Variants in ART5 observed in about 807,000 individuals in gnomAD.
The protein encoded by ART5 is ecto-ADP-ribosyltransferase 5.
Under a neutral mutation model 25.0 loss-of-function variants are expected in ART5, and 22 were observed. That is an observed-to-expected ratio of 0.88 (90% CI 0.63 to 1.26). The LOEUF is 1.26. Ranked by LOEUF, ART5 falls within the 50% of genes most tolerant of loss-of-function variation. The pLI, the probability that ART5 is intolerant of heterozygous loss-of-function variation, is 0.00. For synonymous variants in ART5, 161 were observed against 154.8 expected, an observed-to-expected ratio of 1.04 and a Z score of -0.30; for missense variants, 402 against 372.8, an observed-to-expected ratio of 1.08 and a Z score of -0.64.
Position 3,640,255 on chromosome 11 carries a change from C to T in ART5, c.174G>A (p.Met58Ile). The change falls in exon 2 of 4, where the codon ATG (methionine) becomes ATA (isoleucine). Residue 58 changes from methionine (M) to isoleucine (I), a missense_variant. Coordinates refer to ENST00000397068, the MANE Select transcript of ART5 (RefSeq NM_053017.5). ...ATTCCCGCAGCAGGGCATGGTGGGC[C>T]ATTTCCTCCTTTAGCAGGGGGGCTG... ...EKAAPLLKEE[M>I]AHHALLRESW... 6.2e-7 allele frequency: 1 copy of T among 1,613,744 alleles called. No homozygotes were observed. The highest frequency in any genetic ancestry group is 8.5e-7 in the Non-Finnish European group (1 of 1,180,044).
Position 3,640,369 on chromosome 11 carries a change from G to A in ART5, c.60C>T (p.Ala20=), listed in dbSNP as rs1286922557. Reference sequence around the variant, plus strand: ...CCAGGGGCAGGATGGGAACAGCCTGGGCCTGTGGAGCAAAAGAGGTGCCAC... The same window carrying A: ...CCAGGGGCAGGATGGGAACAGCCTGAGCCTGTGGAGCAAAAGAGGTGCCAC... ...LGSLGLHTWQ[A]QAVPILPLGL... is the part of the protein sequence containing the mutation. Residue 20 remains alanine (A), a splice_region_variant and synonymous_variant, in exon 2 of 4, where the codon GCC becomes GCT. Coordinates refer to ENST00000397068, the MANE Select transcript of ART5 (RefSeq NM_053017.5). 1 of 1,589,030 alleles carries A rather than the reference G, an allele frequency of 6.3e-7. No homozygotes were observed. The highest frequency in any genetic ancestry group is 8.6e-7 in the Non-Finnish European group (1 of 1,167,880).
Position 3,639,678 on chromosome 11 carries a change from G to C in ART5, c.751C>G (p.Gln251Glu), listed in dbSNP as rs755213415. ...QSLVTLWSYN[Q>E]TCSHFNCAYL... The stretch of plus-strand genomic sequence containing the variant: ...GCGCAGTTAAAATGGCTACAGGTCT[G>C]ATTATAGCTCCAGAGAGTCACCAAG... The change falls in exon 2 of 4, where the codon CAG becomes GAG. Residue 251 changes from glutamine to glutamate, a missense_variant. By Grantham distance (29) the Gln-to-Glu change is conservative (BLOSUM62 2). Transcript: ENST00000397068. 6.2e-7 allele frequency: 1 copy of C among 1,613,726 alleles called. No individual in the cohort carries two copies. The highest frequency in any genetic ancestry group is 8.5e-7 in the Non-Finnish European group (1 of 1,180,026).
At chr11:3,642,006 G>T, upstream of ART5, 1 of 1,454,030 alleles carries the variant, frequency 6.9e-7, no homozygotes, top group African/African-American at 1.4e-5. Flanking sequence ...GCCCCGGCGG[G>T]GCGTGGGCGG....
Position 3,638,710 on chromosome 11 carries a change from G to C in ART5, c.*28C>G, listed in dbSNP as rs2077347399. 2 of 1,613,864 alleles carry C rather than the reference G, an allele frequency of 1.2e-6. No individual in the cohort carries two copies. Among genetic ancestry groups the C allele is most frequent in the African/African-American group, 1.3e-5 (1 of 74,910 alleles). ...CCTGGTTGGGGAGAAGGCTGCTAGG[G>C]CTGGGTCCGGAACCATGTTCTTGCT... On this transcript the variant is annotated 3_prime_UTR_variant, in exon 4 of 4. Transcript: ENST00000397068.
upstream of ART5, chr11:3,642,273 A>G: frequency 9.6e-7 from 1 of 1,041,404 alleles, no homozygotes; most frequent in East Asian, 8.1e-5. Flanking sequence ...GCTGAAAGCA[A>G]AGGTTCTCGA....
chr11:3,640,639 G>A (rs980334417), intron 1 of ART5, among the ~76,000 whole-genome samples: 4 of 147,098 alleles, frequency 2.7e-5, no homozygotes, highest in Non-Finnish European at 5.9e-5. Flanking sequence ...GTGAGATCTC[G>A]GCTCACTGCA....
chr11:3,639,289 GC>G lies in ART5; in HGVS notation c.788-255del, dbSNP rs565717078. Among the ~76,000 whole-genome samples, 612 of 152,228 alleles carry G rather than the reference GC, an allele frequency of 4.0e-3. 1 individual carries two copies. The highest frequency in any genetic ancestry group is 5.0e-3 in the Non-Finnish European group (341 of 68,022). On this transcript the variant is annotated intron_variant, in intron 2 of 3. Coordinates refer to ENST00000397068, the MANE Select transcript of ART5 (RefSeq NM_053017.5). ...TAGCACTTGGGAATGGCACATACGT[GC>G]CCTGTCAGCCCCATCGAGCCCAGGG...
At chr11:3,641,714 A>C in intron 1 of ART5, 92 bp downstream of exon 1, 1 of 1,534,534 alleles carries the variant, frequency 6.5e-7, no homozygotes, top group Non-Finnish European at 8.8e-7. Context: ...AGTCCCTGGG[A>C]GAGGGATGTG....
chr11:3,640,430 G>C, intron 1 of ART5, 59 bp from the exon 2 acceptor site: 1 of 1,506,726 alleles, frequency 6.6e-7, no homozygotes. Context: ...ACTGGACATG[G>C]GTCCTGGGGG....
At position 3,639,014 on chromosome 11, in the gene ART5, A is replaced by G. The variant is rs1363998968; in HGVS notation, c.809T>C (p.Val270Ala). The change falls in exon 3 of 4, where the codon GTG (valine) becomes GCG (alanine). Residue 270 changes from valine to alanine, a missense_variant. Val to Ala is a moderately conservative substitution (Grantham distance 64). Coordinates refer to ENST00000397068, the MANE Select transcript of ART5 (RefSeq NM_053017.5). Reference sequence around the variant, plus strand: ...GAAGGGCAACTCACCTGGCGCAGACACACAGCCCCGCCTCTTCTCCCCTGC... The same window carrying G: ...GAAGGGCAACTCACCTGGCGCAGACGCACAGCCCCGCCTCTTCTCCCCTGC... ...YLGGEKRRGC[V>A]SAPGALGTGD... 6 of 1,552,344 alleles carry G rather than the reference A, an allele frequency of 3.9e-6. No homozygotes were observed. Among genetic ancestry groups the G allele is most frequent in the Middle Eastern group, 3.8e-4 (2 of 5,268 alleles).
chr11:3,642,228 G>GGCGCT (rs1373902143), upstream of ART5: 29 of 1,146,828 alleles, frequency 2.5e-5, no homozygotes, highest in South Asian at 4.6e-4. Context: ...GGCTCTGGCG[G>GGCGCT]GCGCTGCGCT....
At position 3,639,728 on chromosome 11, in the gene ART5, C is replaced by G. The variant is rs1169692558; in HGVS notation, c.701G>C (p.Arg234Thr). The change falls in exon 2 of 4, where the codon AGA becomes ACA. Residue 234 changes from arginine to threonine, a missense_variant. Coordinates refer to ENST00000397068, the MANE Select transcript of ART5 (RefSeq NM_053017.5). The part of the protein sequence containing the change: ...IPPHEVFLVT[R>T]FSQDGAQSLV... ...GCTCTGGGCTCCATCCTGAGAGAAT[C>G]TGGTAACCAAAAAGACTTCATGGGG... The G allele has an allele frequency of 2.5e-6, 4 of 1,614,022 alleles. No individual in the cohort carries two copies. Among genetic ancestry groups the G allele is most frequent in the South Asian group, 2.2e-5 (2 of 91,086 alleles).
chr11:3,639,789 A>G lies in ART5; in HGVS notation c.640T>C (p.Ser214Pro), dbSNP rs773752380. 1.2e-6 allele frequency: 2 copies of G among 1,614,218 alleles called. No homozygotes were observed. The highest frequency in any genetic ancestry group is 1.7e-6 in the Non-Finnish European group (2 of 1,180,032). The change falls in exon 2 of 4, where the codon TCT becomes CCT. Residue 214 changes from serine to proline, a missense_variant. Physicochemically the swap from Ser to Pro is moderately conservative, Grantham distance 74 (BLOSUM62 -1). Transcript: ENST00000397068. ...TCFGAPIQAFSVFPKEREVLI... is the reference protein window; with the variant it reads ...TCFGAPIQAFPVFPKEREVLI... ...ACCTCGCGCTCCTTGGGAAAGACAG[A>G]GAAGGCCTGTATAGGGGCCCCAAAG...
intron 1 of ART5, among the ~76,000 whole-genome samples, chr11:3,640,899 G>A (rs139352782): frequency 9.2e-4 from 140 of 151,612 alleles, no homozygotes; most frequent in Middle Eastern, 6.8e-3. Flanking sequence ...GCAATACCAC[G>A]CCCAGCTAAT....
At chr11:3,638,967 T>C in intron 3 of ART5, 36 bp downstream of exon 3, 1 of 1,562,136 alleles carries the variant, frequency 6.4e-7, no homozygotes, top group African/African-American at 1.4e-5. Context: ...TGAGGGGGAG[T>C]CAAAGCAGCT....
At chr11:3,642,107 T>C, upstream of ART5, 2 of 1,373,162 alleles carry the variant, frequency 1.5e-6, no homozygotes, top group South Asian at 1.7e-5. Context: ...TGGGGACCTT[T>C]CCGAGACTGT....
Position 3,640,287 on chromosome 11 carries a change from C to G in ART5, c.142G>C (p.Glu48Gln). 1 of 1,613,398 alleles carries G rather than the reference C, an allele frequency of 6.2e-7. No individual in the cohort carries two copies. Among genetic ancestry groups the G allele is most frequent in the South Asian group, 1.1e-5 (1 of 91,092 alleles). ...TYVGCAEEME[E>Q]KAAPLLKEEM... The stretch of plus-strand genomic sequence containing the variant: ...TCCTTTAGCAGGGGGGCTGCCTTCT[C>G]CTCCATCTCCTCTGCACAACCCACA... Residue 48 changes from glutamate to glutamine, a missense_variant, in exon 2 of 4, where the codon GAG becomes CAG. Physicochemically the swap from Glu to Gln is conservative, Grantham distance 29. Coordinates refer to ENST00000397068, the MANE Select transcript of ART5 (RefSeq NM_053017.5).
At chr11:3,642,234 GCGC>G, upstream of ART5, 1 of 1,141,322 alleles carries the variant, frequency 8.8e-7, no homozygotes, top group Non-Finnish European at 1.1e-6. Flanking sequence ...GGCGGGCGCT[GCGC>G]TGTCCCCGGA....
At position 3,638,883 on chromosome 11, in the gene ART5, G is replaced by A. The variant is rs531754022; in HGVS notation, c.821-90C>T. On this transcript the variant is annotated intron_variant, in intron 3 of 3. Coordinates refer to ENST00000397068, the MANE Select transcript of ART5 (RefSeq NM_053017.5). ...GAGCAGAGTCTTCCAGGGGGGCAGA[G>A]AGGAGGCCCCCTCAGATTGTGACCC... is the stretch of plus-strand genomic sequence containing the variant. The A allele has an allele frequency of 4.8e-5, 78 of 1,612,020 alleles. 2 individuals are homozygous for A. In the South Asian group the frequency reaches 8.1e-4, roughly 17 times the overall value.
Sources: allele counts gnomAD v4.1 joint callset (sites outside exome capture counted in the v4.1 genomes callset), GRCh38; gene constraint gnomAD v4.1.1; transcripts MANE v1.5; gene names NCBI Gene and HGNC (gene_info 2026-07-23, HGNC 2026-07-21).